BAIAP2L2: variants seen among roughly 807,000 people sequenced by gnomAD.
The protein encoded by BAIAP2L2 is BAR/IMD domain containing adaptor protein 2 like 2.
In BAIAP2L2, 65 loss-of-function variants were observed where a neutral mutation model predicts 60.4. The ratio of observed to expected loss-of-function variants is 1.08; its 90% confidence interval spans 0.88 to 1.32. The LOEUF (loss-of-function observed/expected upper bound fraction) is 1.32. Ranked by LOEUF, BAIAP2L2 falls within the 40% of genes most tolerant of loss-of-function variation. The probability of loss-of-function intolerance (pLI) is 0.00; values close to 1 mark genes in which losing one functional copy is unlikely to be tolerated. For synonymous variants in BAIAP2L2, 344 were observed against 301.7 expected (o/e 1.14, Z -1.45); for missense variants, 836 against 741.2 (o/e 1.13, Z -1.48).
chr22:38,102,962 C>T (rs2086595430), intron 4 of BAIAP2L2, among the ~76,000 whole-genome samples: 1 of 151,078 alleles, frequency 6.6e-6, no homozygotes, highest in Admixed American at 6.6e-5. Context: ...AGGAGAATGG[C>T]GTGAACCTGG....
At chr22:38,099,943 C>G (rs1043691071) in intron 4 of BAIAP2L2, among the ~76,000 whole-genome samples, 6 of 152,222 alleles carry the variant, frequency 3.9e-5, no homozygotes, top group African/African-American at 1.4e-4. Context: ...AATAAAATTT[C>G]TAAAGTTTAA....
chr22:38,089,118 G>A lies in BAIAP2L2; in HGVS notation c.879C>T (p.Ser293=). ...PASQLEPDRR[S]LPRTPSASSL... ...CACAGGCCGACGGCGTGCGGGGCAG[G>A]GAGCGACGGTCTGGCTCTAGCTGGG... is the stretch of plus-strand genomic sequence containing the variant. The change falls in exon 9 of 14, where the codon TCC becomes TCT. Residue 293 remains serine (S), a synonymous_variant. Coordinates refer to ENST00000381669, the MANE Select transcript of BAIAP2L2 (RefSeq NM_025045.6). 2.2e-6 allele frequency: 3 copies of A among 1,371,586 alleles called. No individual in the cohort carries two copies. The highest frequency in any genetic ancestry group is 1.7e-5 in the South Asian group (1 of 58,706). 85.0% of individuals were successfully genotyped at this position (1,371,586 alleles called of 1,614,324 possible).
chr22:38,108,502 G>T (rs530152881), intron 2 of BAIAP2L2, among the ~76,000 whole-genome samples, 161 bp from the exon 3 acceptor site: 1 of 152,292 alleles, frequency 6.6e-6, no homozygotes, highest in African/African-American at 2.4e-5. Context: ...AAACTCAGGT[G>T]CAGGGGCATA....
chr22:38,096,918 G>A (rs936382422), intron 7 of BAIAP2L2, 114 bp downstream of exon 7: 1 of 1,246,750 alleles, frequency 8.0e-7, no homozygotes, highest in Non-Finnish European at 1.1e-6. Context: ...AATTTCTACA[G>A]ACAGGCAGGC....
At position 38,086,426 on chromosome 22, in the gene BAIAP2L2, T is replaced by A. The variant is rs1425549209; in HGVS notation, c.1283A>T (p.His428Leu). 3 of 1,517,638 alleles carry A rather than the reference T, an allele frequency of 2.0e-6. No homozygotes were observed. Among genetic ancestry groups the A allele is most frequent in the East Asian group, 4.9e-5 (2 of 40,964 alleles). The allele number at this position is 1,517,638 out of a possible 1,614,324, so 94.0% of individuals were successfully genotyped here. Reference sequence around the variant, plus strand: ...CCGGTCCAGGAGGTCATCGAGGCTGTGGCTGCCCCGGAGTGGGTAGGACCT... The same window carrying A: ...CCGGTCCAGGAGGTCATCGAGGCTGAGGCTGCCCCGGAGTGGGTAGGACCT... ...PSRSYPLRGS[H>L]SLDDLLDRPG... The change falls in exon 12 of 14, where the codon CAC becomes CTC. Residue 428 changes from histidine (H) to leucine (L), a missense_variant. Transcript: ENST00000381669.
At position 38,089,553 on chromosome 22, in the gene BAIAP2L2, G is replaced by A; in HGVS notation, c.734C>T (p.Ser245Leu). 4.9e-6 allele frequency: 6 copies of A among 1,226,980 alleles called. No homozygotes were observed. Among genetic ancestry groups the A allele is most frequent in the Non-Finnish European group, 6.1e-6 (6 of 985,436 alleles). The allele number at this position is 1,226,980 out of a possible 1,614,324, so 76.0% of individuals were successfully genotyped here. A position where few individuals can be genotyped will look rare whatever the true frequency, so the allele number is the denominator to read the frequency against. The change falls in exon 8 of 14, where the codon TCG becomes TTG. Residue 245 changes from serine (S) to leucine (L), a missense_variant. Physicochemically the swap from Ser to Leu is moderately radical, Grantham distance 145. Transcript: ENST00000381669. ...CAGGCAGGTGGGCGTCAGGCGGCCCGAGGGGTAGGGCGGCCCCAGCGCGGG... is the reference window on the plus strand; with the variant it reads ...CAGGCAGGTGGGCGTCAGGCGGCCCAAGGGGTAGGGCGGCCCCAGCGCGGG... ...LGPALGPPYPSGRLTPTCLDM... is the reference protein window; with the variant it reads ...LGPALGPPYPLGRLTPTCLDM...
intron 10 of BAIAP2L2, 131 bp from the exon 11 acceptor site, chr22:38,087,395 G>A (rs1019530025): frequency 8.4e-6 from 9 of 1,071,862 alleles, no homozygotes; most frequent in East Asian, 5.4e-5. Context: ...AATCAATTCC[G>A]TATGTTTACT....
At chr22:38,108,114 G>A (rs2086704491) in intron 3 of BAIAP2L2, 141 bp downstream of exon 3, 1 of 966,212 alleles carries the variant, frequency 1.0e-6, no homozygotes, top group Non-Finnish European at 1.6e-6. Context: ...AGTGGTGGCG[G>A]GGAGCCTGGG....
intron 12 of BAIAP2L2, 24 bp downstream of exon 12, chr22:38,086,218 A>G (rs2086062430): frequency 6.2e-7 from 1 of 1,605,398 alleles, no homozygotes; most frequent in East Asian, 2.2e-5. Context: ...TGGAGGCCCC[A>G]AGAGAGGGCG....
chr22:38,085,635 C>A (rs373823334), intron 13 of BAIAP2L2, 51 bp downstream of exon 13: 4 of 1,584,774 alleles, frequency 2.5e-6, no homozygotes, highest in African/African-American at 1.3e-5. Flanking sequence ...AAGTGTGTGC[C>A]GCCGCACCTG....
At chr22:38,108,995 G>C in intron 2 of BAIAP2L2, 138 bp downstream of exon 2, 1 of 757,852 alleles carries the variant, frequency 1.3e-6, no homozygotes, top group Non-Finnish European at 2.2e-6. Context: ...GCAGAGGTGT[G>C]AGGGTGAGGG....
At chr22:38,106,310 G>A (rs2086663590) in intron 4 of BAIAP2L2, among the ~76,000 whole-genome samples, 1 of 152,056 alleles carries the variant, frequency 6.6e-6, no homozygotes, top group South Asian at 2.1e-4. Flanking sequence ...CTTGAGGTCA[G>A]GAGTTCAAGA....
intron 13 of BAIAP2L2, 30 bp downstream of exon 13, chr22:38,085,656 C>A: frequency 6.2e-7 from 1 of 1,610,374 alleles, no homozygotes; most frequent in Non-Finnish European, 8.5e-7. Context: ...CCACCCTCCT[C>A]ACTGTTTGGG....
Position 38,088,897 on chromosome 22 carries a change from G to T in BAIAP2L2, c.969C>A (p.Gly323=). The T allele has an allele frequency of 6.4e-7, 1 of 1,571,940 alleles. No individual in the cohort carries two copies. Among genetic ancestry groups the T allele is most frequent in the East Asian group, 2.3e-5 (1 of 43,430 alleles). ...SNSFGERPGG[G]GGARRVRALV... The stretch of plus-strand genomic sequence containing the variant: ...GGGCGCGGACTCTCCTGGCGCCCCC[G>T]CCGCCGCCCGGGCGCTCGCCAAAGG... The change falls in exon 10 of 14, where the codon GGC becomes GGA. Residue 323 remains glycine, a synonymous_variant. Coordinates refer to ENST00000381669, the MANE Select transcript of BAIAP2L2 (RefSeq NM_025045.6).
At position 38,089,163 on chromosome 22, in the gene BAIAP2L2, CTCGGTGCCGTAGG is replaced by C; in HGVS notation, c.821_833del (p.Ser274CysfsTer10). 1 of 1,337,410 alleles carries C rather than the reference CTCGGTGCCGTAGG, an allele frequency of 7.5e-7. No homozygotes were observed. Among genetic ancestry groups the C allele is most frequent in the Non-Finnish European group, 9.5e-7 (1 of 1,048,798 alleles). The allele number at this position is 1,337,410 out of a possible 1,614,324, so 82.8% of individuals were successfully genotyped here. On this transcript the variant is annotated frameshift_variant, in exon 9 of 14. Transcript: ENST00000381669. LOFTEE classifies it high-confidence loss of function. ...GCTGGGACGCGGGCCTCGCGTCGGG[CTCGGTGCCGTAGG>C]AGCCGGAGCCGTGCCGGCTGCGGGG...
rs200930717 is a variant in BAIAP2L2 at position 38,087,167 on chromosome 22, A to ACATGGAGGTCATGGAGGT, written c.1198_1215dup (p.Thr400_Met405dup). 1.0e-4 allele frequency: 98 copies of ACATGGAGGTCATGGAGGT among 973,438 alleles called. 3 individuals carry two copies. Among genetic ancestry groups the ACATGGAGGTCATGGAGGT allele is most frequent in the South Asian group, 1.9e-4 (12 of 64,808 alleles). 60.3% of individuals were successfully genotyped at this position (973,438 alleles called of 1,614,324 possible). A position where few individuals can be genotyped will look rare whatever the true frequency, so the allele number is the denominator to read the frequency against. On this transcript the variant is annotated inframe_insertion, in exon 11 of 14. Transcript: ENST00000381669. ...CCGGGGTTCATGGGTGTCATGGGGG[A>ACATGGAGGTCATGGAGGT]CATGGAGGTCATGGAGGTCATGGGG...
intron 4 of BAIAP2L2, among the ~76,000 whole-genome samples, chr22:38,100,140 G>A (rs1028955991): frequency 2.6e-5 from 4 of 152,100 alleles, no homozygotes; most frequent in Admixed American, 6.5e-5. Context: ...AGAAACGTGC[G>A]TTGTTATAGA....
rs774140016 is a variant in BAIAP2L2 at position 38,098,188 on chromosome 22, G to T, written c.349-9C>A. 6.2e-7 allele frequency: 1 copy of T among 1,613,350 alleles called. No individual in the cohort carries two copies. The highest frequency in any genetic ancestry group is 8.5e-7 in the Non-Finnish European group (1 of 1,179,614). On this transcript the variant is annotated splice_polypyrimidine_tract_variant and intron_variant, in intron 5 of 13. Coordinates refer to ENST00000381669, the MANE Select transcript of BAIAP2L2 (RefSeq NM_025045.6). Reference sequence around the variant, plus strand: ...TAGTGCTGGCGGCTGTCCTGGGGTAGGGTGGAGTCGGGGAGGGAGAATCCC... The same window carrying T: ...TAGTGCTGGCGGCTGTCCTGGGGTATGGTGGAGTCGGGGAGGGAGAATCCC...
In BAIAP2L2 at chr22:38,087,892, C is replaced by CG. The variant is rs545750592; in HGVS notation, c.1119-629_1119-628insC. ...TGTCCCTAACCACCCAGTCAGTGAC[C>CG]CCCCCCCCGCCATTTAAGGCCATCC... On this transcript the variant is annotated intron_variant, in intron 10 of 13. Coordinates refer to ENST00000381669, the MANE Select transcript of BAIAP2L2 (RefSeq NM_025045.6). Among the ~76,000 whole-genome samples, 97 of 148,640 alleles carry CG rather than the reference C, an allele frequency of 6.5e-4. 5 individuals carry two copies. The highest frequency in any genetic ancestry group is 6.4e-3 in the South Asian group (30 of 4,684).
Sources: gnomAD v4.1 joint callset for allele counts (sites outside exome capture counted in the v4.1 genomes callset) on GRCh38, gnomAD v4.1.1 for gene constraint, MANE v1.5 for transcripts, NCBI Gene and HGNC (gene_info 2026-07-23, HGNC 2026-07-21) for gene names.